ACSF2: variants seen among roughly 807,000 people sequenced by gnomAD.
The protein encoded by ACSF2 is medium-chain acyl-CoA ligase ACSF2, mitochondrial.
ACSF2 carries 52 observed loss-of-function variants against 79.3 expected under a neutral mutation model. That is an observed-to-expected ratio of 0.66 (90% CI 0.53 to 0.83). The LOEUF (loss-of-function observed/expected upper bound fraction) is 0.83. ACSF2 is among the 40% of genes least tolerant of loss of function. The probability of loss-of-function intolerance (pLI) is 0.00; values close to 1 mark genes in which losing one functional copy is unlikely to be tolerated. For missense variants in ACSF2, 661 were observed against 803.3 expected (o/e 0.82, Z 2.14); for synonymous variants, 283 against 312.6 (o/e 0.91, Z 1.00).
At chr17:50,445,841 G>T (rs1598402760) in intron 1 of ACSF2, among the ~76,000 whole-genome samples, 1 of 151,958 alleles carries the variant, frequency 6.6e-6, no homozygotes, top group Non-Finnish European at 1.5e-5. Flanking sequence ...CTGCCCTCTG[G>T]ATCTTGCTGG....
chr17:50,433,673 C>T (rs2030146589), intron 1 of ACSF2, among the ~76,000 whole-genome samples: 1 of 152,116 alleles, frequency 6.6e-6, no homozygotes, highest in South Asian at 2.1e-4. Flanking sequence ...GGATGGAGTG[C>T]AGTGGCGTGA....
intron 2 of ACSF2, 55 bp from the exon 3 acceptor site, chr17:50,461,187 T>A (rs1158802457): frequency 3.7e-6 from 6 of 1,611,818 alleles, no homozygotes; most frequent in Non-Finnish European, 4.2e-6. Flanking sequence ...GTGGGAGTCT[T>A]GGGCCCCTTC....
chr17:50,443,601 T>C (rs2031094017), intron 1 of ACSF2, among the ~76,000 whole-genome samples: 1 of 152,168 alleles, frequency 6.6e-6, no homozygotes. Flanking sequence ...GCAGCCAGCT[T>C]TCCCTCTCCA....
rs77369965 is a variant in ACSF2 at position 50,438,770 on chromosome 17, T to C, written c.128+12381T>C. ...TTAGTAGACATGGGGTTTCACCATATTGGCCGGGCTGGTCTCAAACTCCTG... is the reference window on the plus strand; with the variant it reads ...TTAGTAGACATGGGGTTTCACCATACTGGCCGGGCTGGTCTCAAACTCCTG... On this transcript the variant is annotated intron_variant, in intron 1 of 15. Coordinates refer to ENST00000300441, the MANE Select transcript of ACSF2 (RefSeq NM_025149.6). 4.6e-5 allele frequency among the ~76,000 whole-genome samples: 7 copies of C among 152,158 alleles called. No individual in the cohort carries two copies. The East Asian group carries it at 1.4e-3, about 29-fold the overall frequency.
chr17:50,457,954 G>A (rs956787198), intron 1 of ACSF2, among the ~76,000 whole-genome samples: 6 of 152,054 alleles, frequency 3.9e-5, no homozygotes, highest in African/African-American at 9.7e-5. Flanking sequence ...AGATTCTCCC[G>A]GTCCACTCCC....
At chr17:50,464,501 T>C in intron 10 of ACSF2, 1 of 690,446 alleles carries the variant, frequency 1.4e-6, no homozygotes, top group Non-Finnish European at 2.6e-6. Flanking sequence ...GTAAATATAA[T>C]ACATACATAC....
chr17:50,462,234 C>T lies in ACSF2; in HGVS notation c.558C>T (p.Tyr186=), dbSNP rs2032386393. The change falls in exon 5 of 16, where the codon TAC becomes TAT. Residue 186 remains tyrosine (Y), a synonymous_variant. Transcript: ENST00000300441. ...VFPKQFKTQQ[Y]YNVLKQICPE... is the part of the protein sequence containing the mutation. The stretch of plus-strand genomic sequence containing the variant: ...CCAAGCAATTCAAGACCCAGCAATA[C>T]TACAACGTCCTGAAGCAGATCTGTC... The T allele has an allele frequency of 6.2e-7, 1 of 1,613,990 alleles. No homozygotes were observed. Among genetic ancestry groups the T allele is most frequent in the African/African-American group, 1.3e-5 (1 of 74,930 alleles).
At chr17:50,454,907 C>T (rs1018480285) in intron 1 of ACSF2, among the ~76,000 whole-genome samples, 5 of 152,052 alleles carry the variant, frequency 3.3e-5, no homozygotes, top group Non-Finnish European at 4.4e-5. Context: ...TCCAGGAGAC[C>T]ACTGTTTGGT....
At position 50,463,436 on chromosome 17, in the gene ACSF2, C is replaced by T. The variant is rs1422843974; in HGVS notation, c.930C>T (p.Tyr310=). The change falls in exon 8 of 16, where the codon TAC becomes TAT. Residue 310 remains tyrosine, a synonymous_variant. Transcript: ENST00000300441. This position sits in a 1 kb window ranked among gnomAD's most constrained non-coding sequence, Gnocchi z 4.6. The part of the protein sequence containing the change: ...QLRMILPNPL[Y]HCLGSVAGTM... ...GGATGATCCTGCCCAACCCCCTGTA[C>T]CATTGCCTGGGTTCCGTGGCAGGCA... 1.9e-6 allele frequency: 3 copies of T among 1,614,158 alleles called. No individual in the cohort carries two copies. In the South Asian group the frequency reaches 3.3e-5, roughly 18 times the overall value.
chr17:50,441,356 G>A (rs1312483603), intron 1 of ACSF2, among the ~76,000 whole-genome samples: 1 of 152,152 alleles, frequency 6.6e-6, no homozygotes, highest in Non-Finnish European at 1.5e-5. Flanking sequence ...GGTGTTTTTT[G>A]TAGGGATGGG....
At chr17:50,430,459 A>G (rs1342668812) in intron 1 of ACSF2, among the ~76,000 whole-genome samples, 1 of 152,158 alleles carries the variant, frequency 6.6e-6, no homozygotes, top group Non-Finnish European at 1.5e-5. Flanking sequence ...CAAGGTCAGG[A>G]GTTCGAGACC....
intron 10 of ACSF2, chr17:50,465,908 G>T (rs2032678418): frequency 1.9e-6 from 3 of 1,612,028 alleles, no homozygotes; most frequent in Non-Finnish European, 2.5e-6. Context: ...GAGCAAGGTG[G>T]TCATGAGTGA....
Position 50,460,855 on chromosome 17 carries a change from G to A in ACSF2, c.307G>A (p.Ala103Thr), listed in dbSNP as rs1817095751. ...CCATGAAGACGTCAGGTTGACCTTT[G>A]CCCAACTCAAGGAGGAGGTGGGTCC... ...VLHEDVRLTFAQLKEEVDKAA... is the reference protein window; with the variant it reads ...VLHEDVRLTFTQLKEEVDKAA... Residue 103 changes from alanine to threonine, a missense_variant, in exon 2 of 16, where the codon GCC becomes ACC. Physicochemically the swap from Ala to Thr is moderately conservative, Grantham distance 58 (BLOSUM62 0). Coordinates refer to ENST00000300441, the MANE Select transcript of ACSF2 (RefSeq NM_025149.6). The A allele has an allele frequency of 2.5e-6, 4 of 1,609,734 alleles. No homozygotes were observed. The South Asian group carries it at 4.4e-5, about 18-fold the overall frequency.
At chr17:50,430,793 G>A (rs1240749153) in intron 1 of ACSF2, among the ~76,000 whole-genome samples, 1 of 152,194 alleles carries the variant, frequency 6.6e-6, no homozygotes, top group African/African-American at 2.4e-5. Context: ...TAACATGAAA[G>A]TAATGGGTAA....
At chr17:50,462,631 C>T (rs199511678) in intron 6 of ACSF2, 46 bp downstream of exon 6, 23 of 1,593,528 alleles carry the variant, frequency 1.4e-5, no homozygotes, top group East Asian at 1.3e-4. Flanking sequence ...GACACATGCC[C>T]CCTGTCCCTG....
intron 1 of ACSF2, among the ~76,000 whole-genome samples, chr17:50,438,582 T>TG (rs113432301): frequency 6.6e-6 from 1 of 152,008 alleles, no homozygotes; most frequent in Non-Finnish European, 1.5e-5. Flanking sequence ...TCTTTTTTTT[T>TG]GGGAGATGGA....
chr17:50,465,886 G>A, intron 10 of ACSF2: 1 of 1,613,576 alleles, frequency 6.2e-7, no homozygotes, highest in Non-Finnish European at 8.5e-7. Flanking sequence ...GAGCAAGGTG[G>A]GAGCAAGGTG....
intron 1 of ACSF2, among the ~76,000 whole-genome samples, chr17:50,435,580 T>A (rs2030334387): frequency 8.6e-6 from 1 of 116,432 alleles, no homozygotes; most frequent in Non-Finnish European, 1.8e-5. Flanking sequence ...CCAGCTAATT[T>A]AAAAAATTTT....
intron 1 of ACSF2, among the ~76,000 whole-genome samples, chr17:50,458,934 A>G (rs2032175808): frequency 6.6e-6 from 1 of 152,170 alleles, no homozygotes; most frequent in Non-Finnish European, 1.5e-5. Context: ...AAGAGCTAAT[A>G]TGTCTAATTT....
Sources: gnomAD v4.1 joint callset for allele counts (sites outside exome capture counted in the v4.1 genomes callset) on GRCh38, gnomAD v4.1.1 for gene constraint, Gnocchi (gnomAD v3.1) non-coding constraint, MANE v1.5 for transcripts, NCBI Gene and HGNC (gene_info 2026-07-23, HGNC 2026-07-21) for gene names.